The following WDR72 variants were observed in gnomAD, a reference collection of about 807,000 sequenced individuals.
WDR72 encodes the protein WD repeat-containing protein 72.
Under a neutral mutation model 124.2 loss-of-function variants are expected in WDR72, and 120 were observed. The observed-to-expected ratio is 0.97, with a 90% CI of 0.83 to 1.12. The LOEUF (loss-of-function observed/expected upper bound fraction) is 1.12, where lower values mean the gene tolerates loss of function less well. WDR72 is among the 50% of genes most tolerant of loss of function. WDR72 has a pLI of 0.00. For missense variants in WDR72, 1,387 were observed against 1,278.8 expected, an observed-to-expected ratio of 1.08 and a Z score of -1.29; for synonymous variants, 452 against 441.7, an observed-to-expected ratio of 1.02 and a Z score of -0.29.
chr15:53,547,588 C>G (rs1374558197), intron 18 of WDR72, among the ~76,000 whole-genome samples: 1 of 152,114 alleles, frequency 6.6e-6, no homozygotes, highest in East Asian at 1.9e-4. Flanking sequence ...AGGATGCTCA[C>G]CACAGGGTAA....
At chr15:53,639,172 C>T (rs1397932982) in intron 14 of WDR72, among the ~76,000 whole-genome samples, 1 of 152,014 alleles carries the variant, frequency 6.6e-6, no homozygotes, top group East Asian at 1.9e-4. Flanking sequence ...GCCTTTCCTA[C>T]CACATCCTTT....
At chr15:53,747,268 A>T (rs1179142651) in intron 1 of WDR72, among the ~76,000 whole-genome samples, 1 of 152,178 alleles carries the variant, frequency 6.6e-6, no homozygotes, top group Non-Finnish European at 1.5e-5. Context: ...AATAAATTTT[A>T]TGAGGTCAAA....
Position 53,615,751 on chromosome 15 carries a change from G to A in WDR72, c.2455C>T (p.Leu819Phe), listed in dbSNP as rs17730281. 375,231 of 1,613,084 alleles carry A rather than the reference G, an allele frequency of 0.23. 46,614 individuals are homozygous for A. Among genetic ancestry groups the A allele is most frequent in the East Asian group, 0.43 (19,223 of 44,838 alleles). Reference sequence around the variant, plus strand: ...GGACCCTGAAGCTTTAAAATATTGAGGTGCTTAATGCAAAGATAATCTAAA... The same window carrying A: ...GGACCCTGAAGCTTTAAAATATTGAAGTGCTTAATGCAAAGATAATCTAAA... ...KDLDYLCIKH[L>F]NILKLQGPIS... is the part of the protein sequence containing the mutation. Residue 819 changes from leucine to phenylalanine, a missense_variant, in exon 15 of 20, where the codon CTC (leucine) becomes TTC (phenylalanine). By Grantham distance (22) the Leu-to-Phe change is conservative. Coordinates refer to ENST00000360509, the MANE Select transcript of WDR72 (RefSeq NM_182758.4).
intron 14 of WDR72, among the ~76,000 whole-genome samples, chr15:53,638,319 A>ACG: frequency 6.6e-6 from 1 of 152,306 alleles, no homozygotes; most frequent in Non-Finnish European, 1.5e-5. Context: ...GCCTTAGCAA[A>ACG]GTAAGAGATG....
chr15:53,713,401 T>TTGTTG (rs2017604796), intron 6 of WDR72, among the ~76,000 whole-genome samples: 1 of 145,824 alleles, frequency 6.9e-6, no homozygotes, highest in Admixed American at 6.8e-5. Flanking sequence ...TTATTTTATT[T>TTGTTG]TATTTTGTTG....
At chr15:53,730,155 G>A (rs1020274465) in intron 2 of WDR72, among the ~76,000 whole-genome samples, 5 of 152,044 alleles carry the variant, frequency 3.3e-5, no homozygotes, top group Non-Finnish European at 5.9e-5. Context: ...ACAAAATGTG[G>A]TATATATATA....
At chr15:53,695,061 T>C (rs1051239680) in intron 13 of WDR72, among the ~76,000 whole-genome samples, 12 of 152,210 alleles carry the variant, frequency 7.9e-5, no homozygotes, top group Admixed American at 4.6e-4. Context: ...AAACATTTAC[T>C]ATCCAGCCCT....
intron 1 of WDR72, among the ~76,000 whole-genome samples, chr15:53,751,759 G>C (rs1176382321): frequency 6.6e-6 from 1 of 152,276 alleles, no homozygotes; most frequent in East Asian, 1.9e-4. Flanking sequence ...TAATGAGTAA[G>C]GAGACAGCAT....
chr15:53,759,467 A>T (rs1253693402), intron 1 of WDR72, 166 bp downstream of exon 1: 1 of 152,326 alleles, frequency 6.6e-6, no homozygotes, highest in Admixed American at 6.5e-5. Context: ...AGCGCTGCGC[A>T]CGCCCACCCT....
intron 18 of WDR72, among the ~76,000 whole-genome samples, chr15:53,578,546 C>T (rs2011740507): frequency 1.3e-5 from 2 of 151,976 alleles, no homozygotes; most frequent in East Asian, 1.9e-4. Context: ...GGGCAGTAAT[C>T]GGTCCTTTGG....
rs984208735 is a variant in WDR72 at position 53,685,860 on chromosome 15, T to G, written c.1765+13890A>C. Among the ~76,000 whole-genome samples the G allele has an allele frequency of 3.9e-5, 5 of 126,958 alleles. No homozygotes were observed. The South Asian group carries it at 7.9e-4, about 20-fold the overall frequency. 83.3% of individuals were successfully genotyped at this position (126,958 alleles called of 152,430 possible). A position where few individuals can be genotyped will look rare whatever the true frequency, so the allele number is the denominator to read the frequency against. ...AAGCCCATCAGACTAACAGCGGATC[T>G]CTCACCAGAAACCCTACAAGCCAGA... On this transcript the variant is annotated intron_variant, in intron 13 of 19. Transcript: ENST00000360509.
intron 14 of WDR72, among the ~76,000 whole-genome samples, chr15:53,649,856 T>C (rs565306449): frequency 8.5e-5 from 13 of 152,196 alleles, no homozygotes; most frequent in African/African-American, 3.1e-4. Context: ...AGAAATGCAA[T>C]GGTGTAGCTG....
intron 9 of WDR72, among the ~76,000 whole-genome samples, chr15:53,706,351 T>TGTGTATATATATATATATATAC (rs1555426201): frequency 8.8e-5 from 1 of 11,314 alleles, no homozygotes; most frequent in African/African-American, 2.4e-4. Flanking sequence ...TGTGTGTGTG[T>TGTGTATATATATATATATATAC]ATATATATAT....
At position 53,514,738 on chromosome 15, in the gene WDR72, G is replaced by C. The variant is rs1321692652; in HGVS notation, c.*2961C>G. ...ACATTATACATTTTTCCTTATATTT[G>C]AAGTGTTTAATAGTGCTCACATTGC... On this transcript the variant is annotated 3_prime_UTR_variant, in exon 20 of 20. Transcript: ENST00000360509. The C allele has an allele frequency of 1.3e-5, 2 of 151,688 alleles. No individual in the cohort carries two copies. The highest frequency in any genetic ancestry group is 2.9e-5 in the Non-Finnish European group (2 of 67,944). 9.4% of individuals were successfully genotyped at this position (151,688 alleles called of 1,614,324 possible).
intron 18 of WDR72, among the ~76,000 whole-genome samples, chr15:53,545,528 A>T (rs1893403866): frequency 2.0e-5 from 3 of 151,898 alleles, no homozygotes; most frequent in African/African-American, 7.3e-5. Flanking sequence ...TGGATTAAAG[A>T]CTTAAACGTT....
chr15:53,597,553 A>G (rs2012837715), intron 17 of WDR72, among the ~76,000 whole-genome samples: 1 of 152,136 alleles, frequency 6.6e-6, no homozygotes, highest in Non-Finnish European at 1.5e-5. Context: ...TATGGGACAA[A>G]GAGGAGTTTT....
rs550973710 is a variant in WDR72 at position 53,732,415 on chromosome 15, C to A, written c.153+582G>T. Among the ~76,000 whole-genome samples, 3 of 152,182 alleles carry A rather than the reference C, an allele frequency of 2.0e-5. No homozygotes were observed. In the South Asian group the frequency reaches 6.2e-4, roughly 32 times the overall value. Reference sequence around the variant, plus strand: ...ATTCTGATACGTTAAATGTTTATGACTTGAGACAGGGACAATTAATTGCTA... The same window carrying A: ...ATTCTGATACGTTAAATGTTTATGAATTGAGACAGGGACAATTAATTGCTA... On this transcript the variant is annotated intron_variant, in intron 2 of 19. Transcript: ENST00000360509.
chr15:53,530,762 G>C (rs1272746386), intron 18 of WDR72, among the ~76,000 whole-genome samples: 1 of 152,026 alleles, frequency 6.6e-6, no homozygotes, highest in Non-Finnish European at 1.5e-5. Context: ...ATGAACTTAA[G>C]ATAAGGATTC....
Position 53,702,291 on chromosome 15 carries a change from TG to T in WDR72, c.1411del (p.His471MetfsTer7), listed in dbSNP as rs1567037139. ...HQSVTSLLYPHGLSSKLDQSW... is the reference protein window; with the variant it reads ...HQSVTSLLYPXGLSSKLDQSW... ...TTGGTCTAATTTCGAAGAGAGACCATGTGGATAGAGTAATGAAGTGACACTT... is the reference window on the plus strand; with the variant it reads ...TTGGTCTAATTTCGAAGAGAGACCATTGGATAGAGTAATGAAGTGACACTT... On this transcript the variant is annotated frameshift_variant, in exon 12 of 20. Transcript: ENST00000360509. LOFTEE classifies it high-confidence loss of function. 2 of 1,614,018 alleles carry T rather than the reference TG, an allele frequency of 1.2e-6. No homozygotes were observed. Among genetic ancestry groups the T allele is most frequent in the Non-Finnish European group, 1.7e-6 (2 of 1,179,966 alleles).
Sources: allele counts gnomAD v4.1 joint callset (sites outside exome capture counted in the v4.1 genomes callset), GRCh38; gene constraint gnomAD v4.1.1; transcripts MANE v1.5; gene names NCBI Gene and HGNC (gene_info 2026-07-23, HGNC 2026-07-21).